The following LAMA3 variants were observed in gnomAD, a reference collection of about 807,000 sequenced individuals.
The protein encoded by LAMA3 is laminin subunit alpha-3.
A neutral mutation model predicts 402.0 loss-of-function variants in LAMA3; 281 were observed. The ratio of observed to expected loss-of-function variants is 0.70; its 90% CI spans 0.63 to 0.77. LAMA3 has a LOEUF of 0.77. LAMA3 is among the 30% of genes least tolerant of loss of function. The probability of loss-of-function intolerance (pLI) is 0.00; values close to 1 mark genes in which losing one functional copy is unlikely to be tolerated. For missense variants in LAMA3, 3,840 were observed against 4,215.5 expected, an observed-to-expected ratio of 0.91 and a Z score of 2.47; for synonymous variants, 1,431 against 1,558.4, an observed-to-expected ratio of 0.92 and a Z score of 1.93.
rs1249356929 is a variant in LAMA3, at chr18:23,931,162, G to A, written c.8537G>A (p.Gly2846Asp). ...AAATCTCCACAGACGTATATGGATG[G>A]TTTACTGCATTATGTATCTGTAATA... ...IFKSPQTYMD[G>D]LLHYVSVISD... Residue 2846 changes from glycine to aspartate, a missense_variant, in exon 65 of 75, where the codon GGT becomes GAT. Physicochemically the swap from Gly to Asp is moderately conservative, Grantham distance 94. Transcript: ENST00000313654. 5 of 1,613,138 alleles carry A rather than the reference G, an allele frequency of 3.1e-6. No individual in the cohort carries two copies. The highest frequency in any genetic ancestry group is 4.2e-6 in the Non-Finnish European group (5 of 1,179,060).
intron 70 of LAMA3, 39 bp downstream of exon 70, chr18:23,946,323 C>T (rs1362734385): frequency 3.1e-6 from 5 of 1,593,732 alleles, no homozygotes; most frequent in Non-Finnish European, 4.3e-6. Context: ...AGAAACAATT[C>T]ACCTTATATT....
intron 1 of LAMA3, among the ~76,000 whole-genome samples, chr18:23,707,379 C>G (rs895670271): frequency 6.6e-6 from 1 of 152,214 alleles, no homozygotes; most frequent in African/African-American, 2.4e-5. Flanking sequence ...AATCTTCTAG[C>G]CCTTTTAAGG....
At chr18:23,691,336 TAAC>T (rs1323295251) in intron 1 of LAMA3, among the ~76,000 whole-genome samples, 1 of 152,084 alleles carries the variant, frequency 6.6e-6, no homozygotes, top group Non-Finnish European at 1.5e-5. Context: ...AAAGACAAAA[TAAC>T]AATGATGAAA....
chr18:23,862,099 C>T (rs932125551), intron 35 of LAMA3, among the ~76,000 whole-genome samples: 5 of 152,208 alleles, frequency 3.3e-5, no homozygotes, highest in African/African-American at 1.2e-4. Flanking sequence ...GGGAAATAAC[C>T]ATTTAAATAC....
Position 23,864,812 on chromosome 18 carries a change from T to C in LAMA3, c.4612T>C (p.Tyr1538His), listed in dbSNP as rs780402501. 3.1e-6 allele frequency: 5 copies of C among 1,613,262 alleles called. No homozygotes were observed. In the Admixed American group the frequency reaches 8.3e-5, roughly 27 times the overall value. ...KVSSYGGYLT[Y>H]QAKSFGLPGD... Reference sequence around the variant, plus strand: ...TTCTTCATATGGTGGTTACCTCACTTACCAAGCCAAGTCCTTTGGCTTGCC... The same window carrying C: ...TTCTTCATATGGTGGTTACCTCACTCACCAAGCCAAGTCCTTTGGCTTGCC... The change falls in exon 36 of 75, where the codon TAC becomes CAC. Residue 1538 changes from tyrosine (Y) to histidine (H), a missense_variant. Tyr to His is a moderately conservative substitution (Grantham distance 83). Transcript: ENST00000313654.
chr18:23,827,766 T>C (rs2063413283), intron 23 of LAMA3, among the ~76,000 whole-genome samples: 1 of 152,108 alleles, frequency 6.6e-6, no homozygotes, highest in African/African-American at 2.4e-5. Flanking sequence ...TCTACATGAT[T>C]CAGGGCAAGA....
intron 60 of LAMA3, among the ~76,000 whole-genome samples, chr18:23,917,612 CATT>C (rs1400190855): frequency 6.6e-6 from 1 of 152,112 alleles, no homozygotes; most frequent in Non-Finnish European, 1.5e-5. Flanking sequence ...TTTCTCTAAT[CATT>C]AGTGATATTG....
rs753384649 is a variant in LAMA3, at chr18:23,890,105, C to T, written c.5398C>T (p.Pro1800Ser). The T allele has an allele frequency of 1.2e-6, 2 of 1,611,894 alleles. No homozygotes were observed. The highest frequency in any genetic ancestry group is 2.2e-5 in the South Asian group (2 of 91,048). The stretch of plus-strand genomic sequence containing the variant: ...CAATGGCCAGCTGGGCAGCTGTCAT[C>T]CCCTGACTGGAGGTAAGGCCGACCC... ...NSNGQLGSCH[P>S]LTGDCINQEP... The change falls in exon 42 of 75, where the codon CCC (proline) becomes TCC (serine). Residue 1800 changes from proline (P) to serine (S), a missense_variant. Transcript: ENST00000313654.
intron 41 of LAMA3, among the ~76,000 whole-genome samples, chr18:23,888,812 A>G (rs1443304325): frequency 6.6e-6 from 1 of 152,182 alleles, no homozygotes; most frequent in Non-Finnish European, 1.5e-5. Flanking sequence ...TCAATTGATG[A>G]TAAGACACCA....
In LAMA3 at chr18:23,721,804, A is replaced by C. The variant is rs144129809; in HGVS notation, c.447+7732A>C. On this transcript the variant is annotated intron_variant, in intron 2 of 74. Transcript: ENST00000313654. The stretch of plus-strand genomic sequence containing the variant: ...TCTTCTAACTGATTTCCCAGCATCT[A>C]CTCTCAGCTTACCCTGTTTTAGAAT... Among the ~76,000 whole-genome samples the C allele has an allele frequency of 7.8e-3, 1,186 of 152,038 alleles. 11 individuals carry two copies. Among genetic ancestry groups the C allele is most frequent in the Middle Eastern group, 0.01 (3 of 294 alleles).
chr18:23,709,930 C>T (rs1046322017), intron 1 of LAMA3: 4 of 715,420 alleles, frequency 5.6e-6, no homozygotes, highest in Non-Finnish European at 1.0e-5. Context: ...ACTTTGGCCA[C>T]ATCAATGTCA....
intron 32 of LAMA3, among the ~76,000 whole-genome samples, chr18:23,857,324 A>T (rs1016095524): frequency 1.3e-5 from 2 of 152,204 alleles, no homozygotes; most frequent in Admixed American, 6.5e-5. Flanking sequence ...CTGCCTGGAC[A>T]TCTGCCCCAG....
At chr18:23,797,390 T>G (rs1397839972) in intron 12 of LAMA3, among the ~76,000 whole-genome samples, 1 of 152,204 alleles carries the variant, frequency 6.6e-6, no homozygotes, top group Non-Finnish European at 1.5e-5. Context: ...AAAAGTGTTC[T>G]TACTGCTTTG....
At chr18:23,911,079 A>G (rs2081409730) in intron 55 of LAMA3, among the ~76,000 whole-genome samples, 1 of 137,210 alleles carries the variant, frequency 7.3e-6, no homozygotes, top group Middle Eastern at 3.2e-3. Flanking sequence ...TTCCTTAAAT[A>G]CAAGAAATAT....
At chr18:23,774,077 G>A (rs907436774) in intron 9 of LAMA3, among the ~76,000 whole-genome samples, 2 of 152,142 alleles carry the variant, frequency 1.3e-5, no homozygotes, top group African/African-American at 4.8e-5. Context: ...AAAAAAATTA[G>A]CCAGGTGTGG....
intron 42 of LAMA3, 133 bp downstream of exon 42, chr18:23,890,250 A>T: frequency 1.4e-6 from 1 of 707,550 alleles, no homozygotes; most frequent in Non-Finnish European, 2.6e-6. Flanking sequence ...CAGGATGCAT[A>T]ATACACAATT....
At chr18:23,732,227 C>A (rs2061406364) in intron 2 of LAMA3, among the ~76,000 whole-genome samples, 1 of 152,096 alleles carries the variant, frequency 6.6e-6, no homozygotes, top group Non-Finnish European at 1.5e-5. Flanking sequence ...CAGCCAGGGG[C>A]TAGAAGGGCT....
At chr18:23,728,385 T>C (rs1318100911) in intron 2 of LAMA3, among the ~76,000 whole-genome samples, 2 of 152,122 alleles carry the variant, frequency 1.3e-5, no homozygotes, top group Admixed American at 1.3e-4. Flanking sequence ...GGCTGCAGTA[T>C]CCCAGCTGTT....
chr18:23,783,852 G>A (rs1440961572), intron 11 of LAMA3, among the ~76,000 whole-genome samples, 171 bp from the exon 12 acceptor site: 2 of 151,906 alleles, frequency 1.3e-5, no homozygotes, highest in African/African-American at 2.4e-5. Flanking sequence ...GACCTTTTGT[G>A]AATTTTTAAA....
Sources: gnomAD v4.1 joint callset for allele counts (sites outside exome capture counted in the v4.1 genomes callset) on GRCh38, gnomAD v4.1.1 for gene constraint, MANE v1.5 for transcripts, NCBI Gene and HGNC (gene_info 2026-07-23, HGNC 2026-07-21) for gene names.